Variants in FN1 observed in about 807,000 individuals in gnomAD.
The protein encoded by FN1 is fibronectin 1.
In FN1, 106 loss-of-function variants were observed where a neutral mutation model predicts 297.3. The ratio of observed to expected loss-of-function variants is 0.36; its 90% CI spans 0.30 to 0.42. The LOEUF is 0.42. Among genes scored for constraint, FN1 ranks in the 10% least tolerant of loss-of-function variants. The probability of loss-of-function intolerance (pLI) is 1.00; values close to 1 mark genes in which losing one functional copy is unlikely to be tolerated. For missense variants in FN1, 2,690 were observed against 3,124.9 expected (o/e 0.86, Z 3.32); for synonymous variants, 1,149 against 1,152.6 (o/e 1.00, Z 0.06).
At chr2:215,423,575 T>G in intron 8 of FN1, 49 bp from the exon 9 acceptor site, 1 of 1,561,782 alleles carries the variant, frequency 6.4e-7, no homozygotes, top group African/African-American at 1.3e-5. Context: ...CCGCTGAGCT[T>G]TCCAATGTAC....
intron 20 of FN1, 21 bp from the exon 21 acceptor site, chr2:215,399,372 A>G: frequency 6.5e-7 from 1 of 1,532,516 alleles, no homozygotes; most frequent in Non-Finnish European, 9.0e-7. Flanking sequence ...GAATCAATGC[A>G]CATATTCAAA....
Position 215,409,712 on chromosome 2 carries a change from G to A in FN1, c.2150C>T (p.Pro717Leu), listed in dbSNP as rs770505069. The change falls in exon 15 of 46, where the codon CCC (proline) becomes CTC (leucine). Residue 717 changes from proline to leucine, a missense_variant. This residue lies in a region of FN1 where 876 missense variants were observed against 1,058.1 expected (regional missense o/e 0.83). Transcript: ENST00000354785. ...TSNTVTGETT[P>L]FSPLVATSES... ...AGAAGTGGCCACAAGAGGAGAAAAG[G>A]GAGTCGTCTCTCCTGTCACGGTGTT... The A allele has an allele frequency of 6.2e-7, 1 of 1,613,998 alleles. No homozygotes were observed. The highest frequency in any genetic ancestry group is 8.5e-7 in the Non-Finnish European group (1 of 1,179,998).
intron 44 of FN1, 81 bp downstream of exon 44, chr2:215,364,798 C>T: frequency 2.2e-6 from 2 of 910,854 alleles, no homozygotes; most frequent in Non-Finnish European, 3.5e-6. Flanking sequence ...CTCTGCCCCT[C>T]CTGTGTGTAC....
At chr2:215,417,753 T>C (rs2063649455) in intron 12 of FN1, among the ~76,000 whole-genome samples, 1 of 152,084 alleles carries the variant, frequency 6.6e-6, no homozygotes, top group Non-Finnish European at 1.5e-5. Flanking sequence ...TTTTAAAGAG[T>C]AGGAGTAAGG....
rs772340127 is a variant in FN1, at chr2:215,430,737, T to C, written c.663A>G (p.Gly221=). The change falls in exon 5 of 46, where the codon GGA becomes GGG. Residue 221 remains glycine, a synonymous_variant. Coordinates refer to ENST00000354785, the MANE Select transcript of FN1 (RefSeq NM_212482.4). The part of the protein sequence containing the change: ...VDCTCLGEGS[G]RITCTSRNRC... ...TACTTCTAGAAGTGCAAGTGATGCGTCCGCTGCCTTCTCCCAGGCAAGTAC... is the reference window on the plus strand; with the variant it reads ...TACTTCTAGAAGTGCAAGTGATGCGCCCGCTGCCTTCTCCCAGGCAAGTAC... 1.9e-6 allele frequency: 3 copies of C among 1,614,144 alleles called. No individual in the cohort carries two copies. Among genetic ancestry groups the C allele is most frequent in the Non-Finnish European group, 1.7e-6 (2 of 1,179,996 alleles).
chr2:215,411,079 G>A (rs2062559611), intron 13 of FN1, among the ~76,000 whole-genome samples: 1 of 152,162 alleles, frequency 6.6e-6, no homozygotes, highest in Admixed American at 6.5e-5. Context: ...TCTTGGATAT[G>A]AGCTACCCCA....
Position 215,361,954 on chromosome 2 carries a change from T to G in FN1, c.7362+15A>C. On this transcript the variant is annotated intron_variant, in intron 45 of 45. Transcript: ENST00000354785. ...CTAGTATGAGGGAACACACTTGTGCTGCTAATGCACTTACAGTGTTTGTTC... is the reference window on the plus strand; with the variant it reads ...CTAGTATGAGGGAACACACTTGTGCGGCTAATGCACTTACAGTGTTTGTTC... 6.2e-7 allele frequency: 1 copy of G among 1,612,312 alleles called. No individual in the cohort carries two copies. Among genetic ancestry groups the G allele is most frequent in the Non-Finnish European group, 8.5e-7 (1 of 1,178,518 alleles).
In FN1 at chr2:215,404,675, A is replaced by G. The variant is rs56027356; in HGVS notation, c.2987-20T>C. On this transcript the variant is annotated intron_variant, in intron 19 of 45. Transcript: ENST00000354785. The stretch of plus-strand genomic sequence containing the variant: ...CCAGTTCTAGGAAAAAAGATGAAAC[A>G]TGCCAAGAAATATTTAGATCAGTAA... 6.2e-7 allele frequency: 1 copy of G among 1,608,012 alleles called. No individual in the cohort carries two copies. The highest frequency in any genetic ancestry group is 8.5e-7 in the Non-Finnish European group (1 of 1,174,518).
intron 13 of FN1, among the ~76,000 whole-genome samples, chr2:215,411,815 C>T (rs958841709): frequency 1.3e-5 from 2 of 151,842 alleles, no homozygotes; most frequent in African/African-American, 4.8e-5. Flanking sequence ...TACAGGTATG[C>T]GCCACCATGC....
intron 5 of FN1, among the ~76,000 whole-genome samples, chr2:215,429,421 T>C (rs2066069410): frequency 6.6e-6 from 1 of 152,216 alleles, no homozygotes; most frequent in Non-Finnish European, 1.5e-5. Context: ...GATGTGAGTA[T>C]AGAGGATCTG....
chr2:215,364,106 G>C (rs910274941), intron 44 of FN1, among the ~76,000 whole-genome samples: 1 of 152,132 alleles, frequency 6.6e-6, no homozygotes, highest in Non-Finnish European at 1.5e-5. Flanking sequence ...GTATTTGTCA[G>C]ACCCACTTAG....
intron 23 of FN1, among the ~76,000 whole-genome samples, chr2:215,395,393 C>G (rs2060192659): frequency 6.6e-6 from 1 of 151,936 alleles, no homozygotes; most frequent in Non-Finnish European, 1.5e-5. Context: ...TAAAAAATAG[C>G]TGGGCTTGGT....
chr2:215,407,100 T>C, intron 18 of FN1, 27 bp downstream of exon 18: 1 of 1,547,540 alleles, frequency 6.5e-7, no homozygotes, highest in Non-Finnish European at 8.9e-7. Context: ...TAAGATAACA[T>C]AGGAAGTGTC....
At chr2:215,387,420 G>A (rs1019283245) in intron 27 of FN1, among the ~76,000 whole-genome samples, 4 of 152,112 alleles carry the variant, frequency 2.6e-5, no homozygotes, top group Non-Finnish European at 4.4e-5. Context: ...AGCTCAAGAG[G>A]AAATTTATAT....
In FN1 at chr2:215,372,043, G is replaced by C. The variant is rs2056291891; in HGVS notation, c.6580C>G (p.Pro2194Ala). The change falls in exon 40 of 46, where the codon CCG (proline) becomes GCG (alanine). Residue 2194 changes from proline to alanine, a missense_variant. Physicochemically the swap from Pro to Ala is conservative, Grantham distance 27 (BLOSUM62 -1). Transcript: ENST00000354785. ...GTAGAGGCATTTGGATTGAGTCCCGGACCGTGTGGGTACAGGTGATAGTCT... is the reference window on the plus strand; with the variant it reads ...GTAGAGGCATTTGGATTGAGTCCCGCACCGTGTGGGTACAGGTGATAGTCT... ...DVDYHLYPHG[P>A]GLNPNASTGQ... The C allele has an allele frequency of 6.2e-7, 1 of 1,614,204 alleles. No homozygotes were observed.
chr2:215,412,185 ACTTTT>A (rs1316207777), intron 13 of FN1, among the ~76,000 whole-genome samples: 1 of 103,984 alleles, frequency 9.6e-6, no homozygotes, highest in Admixed American at 1.3e-4. Flanking sequence ...AAAAAGAATG[ACTTTT>A]CTTTTTTTTT....
At chr2:215,423,311 T>C (rs1232597007) in intron 9 of FN1, 39 bp downstream of exon 9, 1 of 1,606,276 alleles carries the variant, frequency 6.2e-7, no homozygotes. Flanking sequence ...CTCCCTAAAT[T>C]GTTGTCAAAC....
chr2:215,375,290 C>T lies in FN1; in HGVS notation c.6081G>A (p.Lys2027=). 6.2e-7 allele frequency: 1 copy of T among 1,614,144 alleles called. No homozygotes were observed. Among genetic ancestry groups the T allele is most frequent in the South Asian group, 1.1e-5 (1 of 91,088 alleles). The change falls in exon 38 of 46, where the codon AAG becomes AAA. Residue 2027 remains lysine (K), a synonymous_variant. Coordinates refer to ENST00000354785, the MANE Select transcript of FN1 (RefSeq NM_212482.4). ...PRARITGYII[K]YEKPGSPPRE... ...TGGGAGGAGACCCAGGCTTCTCATA[C>T]TTGATGATGTAGCCGGTAATCCTGG...
intron 13 of FN1, among the ~76,000 whole-genome samples, chr2:215,412,421 G>C (rs896641128): frequency 6.6e-6 from 1 of 152,050 alleles, no homozygotes; most frequent in Non-Finnish European, 1.5e-5. Flanking sequence ...TTTAATATGA[G>C]ACTTGATGAT....
Sources: allele counts gnomAD v4.1 joint callset (sites outside exome capture counted in the v4.1 genomes callset), GRCh38; gene constraint gnomAD v4.1.1; regional missense constraint gnomAD v4.1.1; transcripts MANE v1.5; gene names NCBI Gene and HGNC (gene_info 2026-07-23, HGNC 2026-07-21).